The following MAP4 variants were observed in gnomAD, a reference collection of about 807,000 sequenced individuals.
The protein encoded by MAP4 is microtubule associated protein 4.
Under a neutral mutation model 170.2 loss-of-function variants are expected in MAP4, and 76 were observed. That is an observed-to-expected ratio of 0.45 (90% CI 0.37 to 0.54). The LOEUF is 0.54. MAP4 is among the 20% of genes least tolerant of loss of function. MAP4 has a pLI of 0.00. For synonymous variants in MAP4, 909 were observed against 994.5 expected (o/e 0.91, Z 1.62); for missense variants, 2,506 against 2,748.0 (o/e 0.91, Z 1.97).
chr3:47,887,248 G>A (rs565263324), intron 10 of MAP4, among the ~76,000 whole-genome samples: 12 of 152,366 alleles, frequency 7.9e-5, no homozygotes, highest in African/African-American at 2.6e-4. Flanking sequence ...CAGCACTTGC[G>A]GGTCAGCTGG....
chr3:47,962,933 A>C (rs908202951), intron 3 of MAP4, among the ~76,000 whole-genome samples: 3 of 152,250 alleles, frequency 2.0e-5, no homozygotes, highest in Admixed American at 2.0e-4. Flanking sequence ...GTTAATACTT[A>C]AGTTTACAGT....
intron 1 of MAP4, among the ~76,000 whole-genome samples, chr3:48,023,003 A>G (rs2100111336): frequency 6.6e-6 from 1 of 152,208 alleles, no homozygotes; most frequent in Admixed American, 6.5e-5. Flanking sequence ...TGCAATATCC[A>G]AAAAATAGTA....
intron 3 of MAP4, among the ~76,000 whole-genome samples, chr3:47,962,812 C>T (rs1419323749): frequency 6.6e-6 from 1 of 152,194 alleles, no homozygotes; most frequent in Admixed American, 6.5e-5. Flanking sequence ...ACAGCAGCAG[C>T]AGAAACAGCA....
At position 47,998,801 on chromosome 3, in the gene MAP4, C is replaced by A. The variant is rs201700598; in HGVS notation, c.60G>T (p.Glu20Asp). 6.2e-7 allele frequency: 1 copy of A among 1,614,188 alleles called. No individual in the cohort carries two copies. ...GTGTGGCAATGAAGTCCCGCTTTAT[C>A]TCTCCCTCAATGTCTGGAGATGGTT... is the stretch of plus-strand genomic sequence containing the variant. ...LTEPSPDIEG[E>D]IKRDFIATLE... Residue 20 changes from glutamate (E) to aspartate (D), a missense_variant, in exon 2 of 21, where the codon GAG (glutamate) becomes GAT (aspartate). Transcript: ENST00000683076.
rs754797135 is a variant in MAP4 at position 47,916,256 on chromosome 3, G to A, written c.1571C>T (p.Pro524Leu). The change falls in exon 7 of 21, where the codon CCA becomes CTA. Residue 524 changes from proline to leucine, a missense_variant. Pro to Leu is a moderately conservative substitution (Grantham distance 98, BLOSUM62 -3). Around this residue, in one of 3 missense-constraint regions of MAP4, gnomAD observed 2,008 missense variants for 2,206.0 expected, o/e 0.91. Transcript: ENST00000683076. ...CTTGATGAGAACTACTTCTGTTTCTGGAGGTGGAGTCACATCCTTGCCCAG... is the reference window on the plus strand; with the variant it reads ...CTTGATGAGAACTACTTCTGTTTCTAGAGGTGGAGTCACATCCTTGCCCAG... ...MALGKDVTPP[P>L]ETEVVLIKNV... The A allele has an allele frequency of 6.2e-7, 1 of 1,614,210 alleles. No homozygotes were observed. The highest frequency in any genetic ancestry group is 1.1e-5 in the South Asian group (1 of 91,086).
chr3:47,871,663 T>C (rs1427583880), intron 13 of MAP4, among the ~76,000 whole-genome samples: 1 of 152,184 alleles, frequency 6.6e-6, no homozygotes, highest in African/African-American at 2.4e-5. Context: ...ACCTGGAAAT[T>C]CATGAGCAGT....
intron 3 of MAP4, among the ~76,000 whole-genome samples, chr3:47,972,895 A>AC (rs1346145916): frequency 6.6e-6 from 1 of 152,114 alleles, no homozygotes; most frequent in East Asian, 1.9e-4. Flanking sequence ...CAAAAAAAAA[A>AC]AAGAAAAAAG....
At chr3:47,862,340 G>C (rs1289717139) in intron 17 of MAP4, among the ~76,000 whole-genome samples, 1 of 104,478 alleles carries the variant, frequency 9.6e-6, no homozygotes, top group South Asian at 3.6e-4. Context: ...GAGCGAGACT[G>C]TGTCTCAAAA....
chr3:48,058,499 T>C (rs138931265), intron 1 of MAP4, among the ~76,000 whole-genome samples: 55 of 152,342 alleles, frequency 3.6e-4, no homozygotes, highest in Admixed American at 6.5e-4. Flanking sequence ...TAGGTCTGGC[T>C]GAACAGGATT....
At chr3:47,901,963 T>C (rs1393117339) in intron 10 of MAP4, among the ~76,000 whole-genome samples, 1 of 151,770 alleles carries the variant, frequency 6.6e-6, no homozygotes, top group Non-Finnish European at 1.5e-5. Context: ...AGTTTGAGAC[T>C]AGCCTGGGCA....
intron 1 of MAP4, among the ~76,000 whole-genome samples, chr3:48,001,365 A>C (rs2100099057): frequency 6.6e-6 from 1 of 152,212 alleles, no homozygotes; most frequent in Non-Finnish European, 1.5e-5. Context: ...TAGACTTCCA[A>C]ATAAAATCTA....
chr3:48,041,085 T>TA lies in MAP4; in HGVS notation c.-19-42207dup, dbSNP rs532417207. Among the ~76,000 whole-genome samples, 528 of 152,278 alleles carry TA rather than the reference T, an allele frequency of 3.5e-3. 4 individuals are homozygous for TA. The highest frequency in any genetic ancestry group is 0.012 in the African/African-American group (494 of 41,558). On this transcript the variant is annotated intron_variant, in intron 1 of 18. Coordinates refer to the MAP4 transcript ENST00000360240. ...GAAAACAATTCTGCTTAAAATAGCA[T>TA]AAAAAAATACTTAAAAGAAGTGAAC...
chr3:47,962,450 G>T (rs559157506), intron 3 of MAP4, among the ~76,000 whole-genome samples: 1 of 152,132 alleles, frequency 6.6e-6, no homozygotes, highest in Non-Finnish European at 1.5e-5. Context: ...GGGCAGGGTG[G>T]GGGAGGGGCG....
At chr3:47,934,458 C>T (rs1280668486) in intron 3 of MAP4, among the ~76,000 whole-genome samples, 4 of 152,146 alleles carry the variant, frequency 2.6e-5, no homozygotes, top group South Asian at 4.1e-4. Flanking sequence ...CGTGCCATCA[C>T]GCTCGGCTAA....
rs753530332 is a variant in MAP4, at chr3:47,928,826, T to TA, written c.293-477dup. On this transcript the variant is annotated intron_variant, in intron 3 of 20. Transcript: ENST00000683076. ...AGCAACAATTTCAGGGAGCTGGAAT[T>TA]AAAAAAAAAAAAAGCCAGCCTAAAT... is the stretch of plus-strand genomic sequence containing the variant. Among the ~76,000 whole-genome samples, 144 of 132,372 alleles carry TA rather than the reference T, an allele frequency of 1.1e-3. 2 individuals carry two copies. The highest frequency in any genetic ancestry group is 3.6e-3 in the Middle Eastern group (1 of 274). The allele number at this position is 132,372 out of a possible 152,430, so 86.8% of individuals were successfully genotyped here.
chr3:47,891,609 T>C (rs1298778821), intron 10 of MAP4: 1 of 1,535,952 alleles, frequency 6.5e-7, no homozygotes, highest in Admixed American at 2.0e-5. Context: ...CGCACTGCCT[T>C]TTTCTGCTGG....
intron 9 of MAP4, among the ~76,000 whole-genome samples, chr3:47,904,589 C>T (rs1261208865): frequency 3.6e-5 from 5 of 140,132 alleles, no homozygotes; most frequent in African/African-American, 1.1e-4. Flanking sequence ...TATTAACACC[C>T]GGATTAGTTA....
intron 1 of MAP4, among the ~76,000 whole-genome samples, chr3:48,085,332 T>C (rs987268061): frequency 6.6e-6 from 1 of 151,904 alleles, no homozygotes; most frequent in Non-Finnish European, 1.5e-5. Context: ...AACAAGACAC[T>C]ATGAGATTAG....
intron 2 of MAP4, among the ~76,000 whole-genome samples, chr3:47,995,237 CT>C (rs1393367536): frequency 2.1e-5 from 3 of 143,014 alleles, no homozygotes; most frequent in African/African-American, 2.6e-5. Context: ...ATGATAGCAA[CT>C]TTTTTTCTTT....
Sources: allele counts gnomAD v4.1 joint callset (sites outside exome capture counted in the v4.1 genomes callset), GRCh38; gene constraint gnomAD v4.1.1; regional missense constraint gnomAD v4.1.1; transcripts MANE v1.5; gene names NCBI Gene and HGNC (gene_info 2026-07-23, HGNC 2026-07-21).